The following CCSER1 variants were observed in gnomAD, a reference collection of about 807,000 sequenced individuals.
CCSER1 encodes the protein serine-rich coiled-coil domain-containing protein 1.
CCSER1 carries 41 observed loss-of-function variants against 82.0 expected under a neutral mutation model. That is an observed-to-expected ratio of 0.50 (90% CI 0.39 to 0.65). CCSER1 has a LOEUF of 0.65. CCSER1 is among the 30% of genes least tolerant of loss of function. The probability of loss-of-function intolerance (pLI) is 0.00; values close to 1 mark genes in which losing one functional copy is unlikely to be tolerated. For synonymous variants in CCSER1, 414 were observed against 383.9 expected, an observed-to-expected ratio of 1.08 and a Z score of -0.92; for missense variants, 1,119 against 1,064.2, an observed-to-expected ratio of 1.05 and a Z score of -0.72.
chr4:90,667,811 A>C (rs571799966), intron 6 of CCSER1, among the ~76,000 whole-genome samples: 1 of 152,192 alleles, frequency 6.6e-6, no homozygotes. Flanking sequence ...GTTAGCTATT[A>C]TTATTAATGG....
chr4:90,888,645 C>T (rs891917262), intron 8 of CCSER1, among the ~76,000 whole-genome samples: 4 of 152,010 alleles, frequency 2.6e-5, no homozygotes, highest in African/African-American at 9.7e-5. Context: ...TGAGGAAATG[C>T]GTTAACATTT....
chr4:91,131,382 CTGT>C (rs1561572632), intron 10 of CCSER1, among the ~76,000 whole-genome samples: 6 of 147,634 alleles, frequency 4.1e-5, no homozygotes, highest in African/African-American at 1.5e-4. Context: ...AGATTCCACA[CTGT>C]TGTTGTATAG....
intron 8 of CCSER1, among the ~76,000 whole-genome samples, chr4:90,833,656 A>C (rs974751270): frequency 3.9e-5 from 6 of 152,228 alleles, no homozygotes; most frequent in African/African-American, 1.4e-4. Flanking sequence ...TATTTAATGA[A>C]TAAATTAATG....
intron 6 of CCSER1, among the ~76,000 whole-genome samples, chr4:90,691,562 G>A (rs1302808398): frequency 2.7e-5 from 4 of 146,792 alleles, no homozygotes; most frequent in Non-Finnish European, 4.5e-5. Context: ...TCACATGTGT[G>A]TATATCACAT....
intron 4 of CCSER1, among the ~76,000 whole-genome samples, chr4:90,434,120 A>G (rs1161376131): frequency 1.3e-5 from 2 of 151,964 alleles, no homozygotes; most frequent in East Asian, 1.9e-4. Flanking sequence ...TGTCTTTTAT[A>G]TCTGTCATAT....
intron 10 of CCSER1, among the ~76,000 whole-genome samples, chr4:91,099,920 G>GAA (rs549088990): frequency 6.6e-6 from 1 of 151,740 alleles, no homozygotes; most frequent in African/African-American, 2.4e-5. Flanking sequence ...GGGCCAGGAA[G>GAA]AAAAAAAACT....
At chr4:91,582,162 T>C (rs990455464) in intron 10 of CCSER1, among the ~76,000 whole-genome samples, 1 of 151,524 alleles carries the variant, frequency 6.6e-6, no homozygotes, top group African/African-American at 2.4e-5. Flanking sequence ...TGCATGGCAG[T>C]TATTGGAGGT....
At chr4:91,202,448 A>G (rs886308441) in intron 10 of CCSER1, among the ~76,000 whole-genome samples, 6 of 152,110 alleles carry the variant, frequency 3.9e-5, no homozygotes, top group Admixed American at 2.0e-4. Flanking sequence ...AGGAACCTCT[A>G]TGAAAAAGTA....
intron 9 of CCSER1, among the ~76,000 whole-genome samples, chr4:91,042,971 C>T (rs1247535735): frequency 6.6e-6 from 1 of 152,144 alleles, no homozygotes; most frequent in Non-Finnish European, 1.5e-5. Context: ...ATCTTGCCTA[C>T]ATTCAGCCAC....
intron 8 of CCSER1, among the ~76,000 whole-genome samples, chr4:90,825,491 A>T (rs1441578494): frequency 6.6e-6 from 1 of 152,230 alleles, no homozygotes; most frequent in Admixed American, 6.5e-5. Context: ...AAAAAAATAT[A>T]TAACGCATGT....
At chr4:90,482,219 C>A (rs1766121752) in intron 5 of CCSER1, among the ~76,000 whole-genome samples, 1 of 151,980 alleles carries the variant, frequency 6.6e-6, no homozygotes, top group African/African-American at 2.4e-5. Flanking sequence ...GTGGTGATAT[C>A]CCCTTTTTCA....
intron 1 of CCSER1, among the ~76,000 whole-genome samples, chr4:90,204,271 C>T (rs961477128): frequency 2.0e-5 from 3 of 151,684 alleles, no homozygotes; most frequent in Non-Finnish European, 4.4e-5. Flanking sequence ...TTGCCCATGC[C>T]TGTGTCCTGA....
chr4:91,425,689 T>C (rs1359076007), intron 10 of CCSER1, among the ~76,000 whole-genome samples: 2 of 151,800 alleles, frequency 1.3e-5, no homozygotes, highest in Non-Finnish European at 2.9e-5. Context: ...TAATCAGTCA[T>C]AGAAATAGAG....
rs544814667 is a variant in CCSER1 at position 90,474,450 on chromosome 4, CTTTG to C, written c.1724+6103_1724+6106del. On this transcript the variant is annotated intron_variant, in intron 5 of 10. Transcript: ENST00000509176. ...TAGATTTGCCTTTTGAAAACTTTCT[CTTTG>C]TTTGTTATAGAGAACGAATTAGATG... is the stretch of plus-strand genomic sequence containing the variant. Among the ~76,000 whole-genome samples the C allele has an allele frequency of 1.6e-4, 24 of 152,254 alleles. No homozygotes were observed. In the South Asian group the frequency reaches 4.8e-3, roughly 30 times the overall value.
intron 10 of CCSER1, among the ~76,000 whole-genome samples, chr4:91,302,868 A>C (rs1744777807): frequency 6.6e-6 from 1 of 151,440 alleles, no homozygotes; most frequent in Non-Finnish European, 1.5e-5. Flanking sequence ...ATTTTTTCAC[A>C]GCATTTATCA....
chr4:90,504,290 A>G (rs1641432175), intron 5 of CCSER1, among the ~76,000 whole-genome samples: 1 of 152,220 alleles, frequency 6.6e-6, no homozygotes, highest in African/African-American at 2.4e-5. Flanking sequence ...TTTTATTTAT[A>G]AGCCTGTTTG....
intron 9 of CCSER1, among the ~76,000 whole-genome samples, chr4:90,995,361 TAATA>T (rs1214974035): frequency 6.6e-6 from 1 of 152,144 alleles, no homozygotes; most frequent in Non-Finnish European, 1.5e-5. Context: ...CACAGTAAAT[TAATA>T]GTCAGCCCTT....
chr4:90,976,358 T>C (rs988781885), intron 9 of CCSER1, among the ~76,000 whole-genome samples: 9 of 151,166 alleles, frequency 6.0e-5, no homozygotes, highest in African/African-American at 2.2e-4. Context: ...GCAAATAAAA[T>C]AAGATTTCTT....
chr4:90,943,400 C>T (rs539633647), intron 9 of CCSER1, among the ~76,000 whole-genome samples: 31 of 152,206 alleles, frequency 2.0e-4, no homozygotes, highest in Non-Finnish European at 1.0e-4. Context: ...TACAGCCTTT[C>T]GGTTGTAGCT....
Sources: allele counts gnomAD v4.1 joint callset (sites outside exome capture counted in the v4.1 genomes callset), GRCh38; gene constraint gnomAD v4.1.1; transcripts MANE v1.5; gene names NCBI Gene and HGNC (gene_info 2026-07-23, HGNC 2026-07-21).